The following PCDHB12 variants were observed in gnomAD, a reference collection of about 807,000 sequenced individuals.
The protein encoded by PCDHB12 is protocadherin beta-12.
For synonymous variants in PCDHB12, 560 were observed against 445.2 expected (o/e 1.26, Z -3.24); for missense variants, 1,192 against 998.2 (o/e 1.19, Z -2.62).
Position 141,209,688 on chromosome 5 carries a change from G to C in PCDHB12, c.781G>C (p.Val261Leu). The change falls in exon 1 of 1, where the codon GTT becomes CTT. Residue 261 changes from valine to leucine, a missense_variant. By Grantham distance (32) the Val-to-Leu change is conservative. Transcript: ENST00000239450. ...GGAGAATAGCATCCTTGGCTCCCTGGTTGTGACCGTCTCAGCCTGGGATTT... is the reference window on the plus strand; with the variant it reads ...GGAGAATAGCATCCTTGGCTCCCTGCTTGTGACCGTCTCAGCCTGGGATTT... Reference protein sequence around the residue: ...ILENSILGSLVVTVSAWDLDS... With the variant: ...ILENSILGSLLVTVSAWDLDS... 6.2e-7 allele frequency: 1 copy of C among 1,614,180 alleles called. No homozygotes were observed. Among genetic ancestry groups the C allele is most frequent in the South Asian group, 1.1e-5 (1 of 91,076 alleles).
Position 141,210,626 on chromosome 5 carries a change from C to T in PCDHB12, c.1719C>T (p.Thr573=). ...YPLQNGSAPC[T]ELVPWAAEPG... is the part of the protein sequence containing the mutation. Reference sequence around the variant, plus strand: ...TGCAGAACGGCTCCGCGCCCTGCACCGAGCTGGTGCCCTGGGCGGCCGAGC... The same window carrying T: ...TGCAGAACGGCTCCGCGCCCTGCACTGAGCTGGTGCCCTGGGCGGCCGAGC... Residue 573 remains threonine, a synonymous_variant, in exon 1 of 1, where the codon ACC becomes ACT. Coordinates refer to ENST00000239450, the MANE Select transcript of PCDHB12 (RefSeq NM_018932.4). 1.2e-6 allele frequency: 2 copies of T among 1,611,346 alleles called. No individual in the cohort carries two copies. The highest frequency in any genetic ancestry group is 2.2e-5 in the South Asian group (2 of 90,974).
chr5:141,208,754 ATCC>A lies in PCDHB12; in HGVS notation c.-152_-150del. 1.8e-6 allele frequency: 1 copy of A among 561,146 alleles called. No homozygotes were observed. Among genetic ancestry groups the A allele is most frequent in the Non-Finnish European group, 3.0e-6 (1 of 337,988 alleles). 34.8% of individuals were successfully genotyped at this position (561,146 alleles called of 1,614,324 possible). A position where few individuals can be genotyped will look rare whatever the true frequency, so the allele number is the denominator to read the frequency against. ...GAGAACTGGGAAGACAGAAAGAACAATCCTTTAAGGGAGAACCTAGAAGCCATT... is the reference window on the plus strand; with the variant it reads ...GAGAACTGGGAAGACAGAAAGAACAATTTAAGGGAGAACCTAGAAGCCATT... On this transcript the variant is annotated 5_prime_UTR_variant, in exon 1 of 1. Transcript: ENST00000239450.
Position 141,211,684 on chromosome 5 carries a change from T to C in PCDHB12, c.*389T>C. The C allele has an allele frequency of 4.5e-6, 1 of 223,338 alleles. No individual in the cohort carries two copies. Among genetic ancestry groups the C allele is most frequent in the South Asian group, 6.9e-5 (1 of 14,482 alleles). 13.8% of individuals were successfully genotyped at this position (223,338 alleles called of 1,614,324 possible). On this transcript the variant is annotated 3_prime_UTR_variant, in exon 1 of 1. Transcript: ENST00000239450. ...TTGTAGTGTACCTTTTTAAACTTTA[T>C]TTTTTTAAAAAAAGTTGTTTTATGA...
rs1554286787 is a variant in PCDHB12, at chr5:141,210,000, G to A, written c.1093G>A (p.Val365Ile). ...PIPENTPETV[V>I]MVFRIRDRDS... ...CCCAGAAAACACTCCAGAGACTGTG[G>A]TTATGGTTTTCAGGATACGAGACAG... The change falls in exon 1 of 1, where the codon GTT becomes ATT. Residue 365 changes from valine to isoleucine, a missense_variant. Coordinates refer to ENST00000239450, the MANE Select transcript of PCDHB12 (RefSeq NM_018932.4). 2 of 1,614,074 alleles carry A rather than the reference G, an allele frequency of 1.2e-6. No individual in the cohort carries two copies. The highest frequency in any genetic ancestry group is 2.7e-5 in the African/African-American group (2 of 74,928).
Position 141,212,535 on chromosome 5 carries a change from T to C in PCDHB12, c.*1240T>C, listed in dbSNP as rs1754482440. 1 of 152,174 alleles carries C rather than the reference T, an allele frequency of 6.6e-6. No individual in the cohort carries two copies. Among genetic ancestry groups the C allele is most frequent in the Admixed American group, 6.5e-5 (1 of 15,282 alleles). The allele number at this position is 152,174 out of a possible 1,614,324, so 9.4% of individuals were successfully genotyped here. A position where few individuals can be genotyped will look rare whatever the true frequency, so the allele number is the denominator to read the frequency against. On this transcript the variant is annotated 3_prime_UTR_variant, in exon 1 of 1. Coordinates refer to ENST00000239450, the MANE Select transcript of PCDHB12 (RefSeq NM_018932.4). Reference sequence around the variant, plus strand: ...GTTGTGTTCTAAATATATTATAAACTAGTGCCAGTAACTCTAATAAAGCTA... The same window carrying C: ...GTTGTGTTCTAAATATATTATAAACCAGTGCCAGTAACTCTAATAAAGCTA...
Position 141,210,694 on chromosome 5 carries a change from C to G in PCDHB12, c.1787C>G (p.Ser596Trp). ...VTKVVAVDGD[S>W]GQNAWLSYQL... ...AAGGTGGTGGCGGTGGACGGTGACT[C>G]GGGCCAGAACGCCTGGCTGTCGTAC... The change falls in exon 1 of 1, where the codon TCG becomes TGG. Residue 596 changes from serine to tryptophan, a missense_variant. Ser to Trp is a radical substitution (Grantham distance 177, BLOSUM62 -3). Coordinates refer to ENST00000239450, the MANE Select transcript of PCDHB12 (RefSeq NM_018932.4). The G allele has an allele frequency of 6.2e-7, 1 of 1,610,148 alleles. No homozygotes were observed. Among genetic ancestry groups the G allele is most frequent in the East Asian group, 2.2e-5 (1 of 44,860 alleles).
chr5:141,209,447 T>C lies in PCDHB12; in HGVS notation c.540T>C (p.Val180=). 1 of 1,614,186 alleles carries C rather than the reference T, an allele frequency of 6.2e-7. No individual in the cohort carries two copies. The highest frequency in any genetic ancestry group is 8.5e-7 in the Non-Finnish European group (1 of 1,180,022). Residue 180 remains valine, a synonymous_variant, in exon 1 of 1, where the codon GTT becomes GTC. Transcript: ENST00000239450. ...TAAATCCGAACTCTCATTTCCACGT[T>C]AAAATAAGAGTCAATCCAGACAATA... The part of the protein sequence containing the change: ...YTINPNSHFH[V]KIRVNPDNRK...
Position 141,210,331 on chromosome 5 carries a change from C to T in PCDHB12, c.1424C>T (p.Ala475Val), listed in dbSNP as rs781836298. ...GCCCTGCACATCGGCAGCATCAGCG[C>T]CACAGACAGAGACTCGGGCACCAAC... Reference protein sequence around the residue: ...SPALHIGSISATDRDSGTNAQ... With the variant: ...SPALHIGSISVTDRDSGTNAQ... Residue 475 changes from alanine to valine, a missense_variant, in exon 1 of 1, where the codon GCC becomes GTC. Physicochemically the swap from Ala to Val is moderately conservative, Grantham distance 64. Coordinates refer to ENST00000239450, the MANE Select transcript of PCDHB12 (RefSeq NM_018932.4). 1 of 1,613,242 alleles carries T rather than the reference C, an allele frequency of 6.2e-7. No individual in the cohort carries two copies. Among genetic ancestry groups the T allele is most frequent in the South Asian group, 1.1e-5 (1 of 91,032 alleles).
rs782082200 is a variant in PCDHB12 at position 141,208,974 on chromosome 5, A to G, written c.67A>G (p.Met23Val). 1.9e-6 allele frequency: 3 copies of G among 1,579,676 alleles called. No individual in the cohort carries two copies. Among genetic ancestry groups the G allele is most frequent in the East Asian group, 2.2e-5 (1 of 44,676 alleles). Residue 23 changes from methionine (M) to valine (V), a missense_variant, in exon 1 of 1, where the codon ATG becomes GTG. Physicochemically the swap from Met to Val is conservative, Grantham distance 21 (BLOSUM62 1). Coordinates refer to ENST00000239450, the MANE Select transcript of PCDHB12 (RefSeq NM_018932.4). ...CCTGCTTTTCTTTGTTTTGCTGGGAATGTCTCAGGCGGGCTCTGAAACTGG... is the reference window on the plus strand; with the variant it reads ...CCTGCTTTTCTTTGTTTTGCTGGGAGTGTCTCAGGCGGGCTCTGAAACTGG... ...QVLLFFVLLG[M>V]SQAGSETGNF...
rs781812996 is a variant in PCDHB12, at chr5:141,209,632, T to G, written c.725T>G (p.Phe242Cys). Residue 242 changes from phenylalanine (F) to cysteine (C), a missense_variant, in exon 1 of 1, where the codon TTT becomes TGT. Transcript: ENST00000239450. ...VVDINDNSPEFEQAFYEVKIL... is the reference protein window; with the variant it reads ...VVDINDNSPECEQAFYEVKIL... The stretch of plus-strand genomic sequence containing the variant: ...GATATTAATGACAACTCCCCTGAGT[T>G]TGAGCAGGCTTTTTATGAGGTGAAG... 1 of 1,614,172 alleles carries G rather than the reference T, an allele frequency of 6.2e-7. No homozygotes were observed. Among genetic ancestry groups the G allele is most frequent in the Non-Finnish European group, 8.5e-7 (1 of 1,180,018 alleles).
chr5:141,209,159 GC>G lies in PCDHB12; in HGVS notation c.253del (p.Leu85SerfsTer2). 1 of 1,614,164 alleles carries G rather than the reference GC, an allele frequency of 6.2e-7. No individual in the cohort carries two copies. Among genetic ancestry groups the G allele is most frequent in the Non-Finnish European group, 8.5e-7 (1 of 1,180,030 alleles). On this transcript the variant is annotated frameshift_variant, in exon 1 of 1. Coordinates refer to ENST00000239450, the MANE Select transcript of PCDHB12 (RefSeq NM_018932.4). LOFTEE classifies it low-confidence loss of function (END_TRUNC). ...AGCTGGACACAAACACTGGGGATTT[GC>G]TCCTGAGAGAAATGCTAGACAGGGA... ...LQLDTNTGDLLLREMLDREEL... is the reference protein window; with the variant it reads ...LQLDTNTGDLXLREMLDREEL...
At position 141,210,613 on chromosome 5, in the gene PCDHB12, C is replaced by A; in HGVS notation, c.1706C>A (p.Ser569Tyr). The A allele has an allele frequency of 6.2e-7, 1 of 1,611,378 alleles. No individual in the cohort carries two copies. The highest frequency in any genetic ancestry group is 8.5e-7 in the Non-Finnish European group (1 of 1,179,738). ...GTGCTGTACCCGCTGCAGAACGGCT[C>A]CGCGCCCTGCACCGAGCTGGTGCCC... ...PFVLYPLQNG[S>Y]APCTELVPWA... is the part of the protein sequence containing the mutation. Residue 569 changes from serine (S) to tyrosine (Y), a missense_variant, in exon 1 of 1, where the codon TCC (serine) becomes TAC (tyrosine). Transcript: ENST00000239450.
In PCDHB12 at chr5:141,210,553, T is replaced by A; in HGVS notation, c.1646T>A (p.Val549Glu). The change falls in exon 1 of 1, where the codon GTG becomes GAG. Residue 549 changes from valine to glutamate, a missense_variant. Coordinates refer to ENST00000239450, the MANE Select transcript of PCDHB12 (RefSeq NM_018932.4). ...PALSSEALVR[V>E]LVLDANDNSP... ...TTGAGCAGCGAGGCGCTGGTGCGCG[T>A]GCTGGTGCTGGACGCCAACGACAAC... 1 of 1,611,688 alleles carries A rather than the reference T, an allele frequency of 6.2e-7. No homozygotes were observed. The highest frequency in any genetic ancestry group is 2.2e-5 in the East Asian group (1 of 44,870).
Position 141,210,012 on chromosome 5 carries a change from A to T in PCDHB12, c.1105A>T (p.Arg369Trp). 1 of 1,614,218 alleles carries T rather than the reference A, an allele frequency of 6.2e-7. No individual in the cohort carries two copies. The highest frequency in any genetic ancestry group is 8.5e-7 in the Non-Finnish European group (1 of 1,180,034). The change falls in exon 1 of 1, where the codon AGG becomes TGG. Residue 369 changes from arginine (R) to tryptophan (W), a missense_variant. Arg to Trp is a moderately radical substitution (Grantham distance 101). Coordinates refer to ENST00000239450, the MANE Select transcript of PCDHB12 (RefSeq NM_018932.4). ...NTPETVVMVFRIRDRDSGDNG... is the reference protein window; with the variant it reads ...NTPETVVMVFWIRDRDSGDNG... The stretch of plus-strand genomic sequence containing the variant: ...TCCAGAGACTGTGGTTATGGTTTTC[A>T]GGATACGAGACAGAGACTCTGGGGA...
chr5:141,209,745 A>G lies in PCDHB12; in HGVS notation c.838A>G (p.Thr280Ala), dbSNP rs1323890865. The change falls in exon 1 of 1, where the codon ACC becomes GCC. Residue 280 changes from threonine to alanine, a missense_variant. Physicochemically the swap from Thr to Ala is moderately conservative, Grantham distance 58 (BLOSUM62 0). Transcript: ENST00000239450. ...TGGAACAAACAGTGAACTATCCTAT[A>G]CCTTTTCCCATGCCTCAGAAGATAT... ...DSGTNSELSY[T>A]FSHASEDIRK... The G allele has an allele frequency of 2.5e-6, 4 of 1,614,070 alleles. No homozygotes were observed. The African/African-American group carries it at 5.3e-5, about 22-fold the overall frequency.
At position 141,211,977 on chromosome 5, in the gene PCDHB12, C is replaced by G. The variant is rs1319031333; in HGVS notation, c.*682C>G. ...AAAAGTTTTTATCGTATTCATACTA[C>G]TGTTCAATCTTTATTTAGAAATAAA... On this transcript the variant is annotated 3_prime_UTR_variant, in exon 1 of 1. Transcript: ENST00000239450. 1 of 167,090 alleles carries G rather than the reference C, an allele frequency of 6.0e-6. No individual in the cohort carries two copies. The highest frequency in any genetic ancestry group is 2.4e-5 in the African/African-American group (1 of 41,454). The allele number at this position is 167,090 out of a possible 1,614,324, so 10.4% of individuals were successfully genotyped here. A position where few individuals can be genotyped will look rare whatever the true frequency, so the allele number is the denominator to read the frequency against.
Position 141,211,139 on chromosome 5 carries a change from C to A in PCDHB12, c.2232C>A (p.Thr744=). Reference sequence around the variant, plus strand: ...TGGTGGACGTGAGTGGCACCGGGACCCTGTCCCAGAGCTACCACTATGAGG... The same window carrying A: ...TGGTGGACGTGAGTGGCACCGGGACACTGTCCCAGAGCTACCACTATGAGG... ...GHLVDVSGTG[T]LSQSYHYEVC... The change falls in exon 1 of 1, where the codon ACC becomes ACA. Residue 744 remains threonine, a synonymous_variant. Coordinates refer to ENST00000239450, the MANE Select transcript of PCDHB12 (RefSeq NM_018932.4). 1 of 1,614,148 alleles carries A rather than the reference C, an allele frequency of 6.2e-7. No homozygotes were observed. The highest frequency in any genetic ancestry group is 8.5e-7 in the Non-Finnish European group (1 of 1,180,034).
Position 141,211,233 on chromosome 5 carries a change from C to T in PCDHB12, c.2326C>T (p.Pro776Ser). Reference protein sequence around the residue: ...FLKPIIPNFLPQSTGSEVEEN... With the variant: ...FLKPIIPNFLSQSTGSEVEEN... Reference sequence around the variant, plus strand: ...GAAACCAATTATCCCCAACTTCCTACCCCAGAGCACAGGTAGTGAAGTCGA... The same window carrying T: ...GAAACCAATTATCCCCAACTTCCTATCCCAGAGCACAGGTAGTGAAGTCGA... The change falls in exon 1 of 1, where the codon CCC becomes TCC. Residue 776 changes from proline (P) to serine (S), a missense_variant. Pro to Ser is a moderately conservative substitution (Grantham distance 74). Coordinates refer to ENST00000239450, the MANE Select transcript of PCDHB12 (RefSeq NM_018932.4). 1 of 1,613,464 alleles carries T rather than the reference C, an allele frequency of 6.2e-7. No homozygotes were observed. The highest frequency in any genetic ancestry group is 8.5e-7 in the Non-Finnish European group (1 of 1,179,726).
chr5:141,209,271 C>T lies in PCDHB12; in HGVS notation c.364C>T (p.Gln122Ter). The change falls in exon 1 of 1, where the codon CAG (glutamine) becomes TAG (stop). Residue 122 changes from glutamine to a stop codon, truncating the protein, a stop_gained. Coordinates refer to ENST00000239450, the MANE Select transcript of PCDHB12 (RefSeq NM_018932.4). LOFTEE classifies it low-confidence loss of function (END_TRUNC). The stretch of plus-strand genomic sequence containing the variant: ...CACGCAGTTTTTACAAATTGAGCTC[C>T]AGGTCAGGGATATAAATGATCACTC... ...NPTQFLQIEL[Q>*]VRDINDHSPV... The T allele has an allele frequency of 6.2e-7, 1 of 1,614,140 alleles. No individual in the cohort carries two copies. The highest frequency in any genetic ancestry group is 8.5e-7 in the Non-Finnish European group (1 of 1,180,034).
Sources: gnomAD v4.1 joint callset for allele counts on GRCh38, gnomAD v4.1.1 for gene constraint, MANE v1.5 for transcripts, NCBI Gene and HGNC (gene_info 2026-07-23, HGNC 2026-07-21) for gene names.